Variants in ABL1 observed in about 807,000 individuals in gnomAD.
The protein encoded by ABL1 is tyrosine-protein kinase ABL1.
Under a neutral mutation model 94.7 loss-of-function variants are expected in ABL1, and 11 were observed. The observed-to-expected ratio is 0.12, with a 90% CI of 0.07 to 0.19. The LOEUF is 0.19. ABL1 is among the 10% of genes least tolerant of loss of function. The pLI is 1.00. For missense variants in ABL1, 1,082 were observed against 1,489.4 expected (o/e 0.73, Z 4.50); for synonymous variants, 656 against 622.4 (o/e 1.05, Z -0.80).
intron 1 of ABL1, among the ~76,000 whole-genome samples, chr9:130,828,321 TCCC>T (rs10556454): frequency 0.92 from 139,999 of 152,084 alleles, 64,636 homozygotes; most frequent in East Asian, 0.98. Flanking sequence ...TGCCTCAGCC[TCCC>T]CCCAAAGGGC....
At chr9:130,785,692 G>A (rs1829816920) in intron 1 of ABL1, among the ~76,000 whole-genome samples, 1 of 152,030 alleles carries the variant, frequency 6.6e-6, no homozygotes, top group African/African-American at 2.4e-5. Flanking sequence ...GGAGGCCAAG[G>A]CGGGCAGATC....
At chr9:130,766,480 G>A (rs1047547347) in intron 1 of ABL1, among the ~76,000 whole-genome samples, 2 of 152,188 alleles carry the variant, frequency 1.3e-5, no homozygotes, top group Non-Finnish European at 2.9e-5. Flanking sequence ...AAATGAGTGT[G>A]CCCCGTGGTT....
intron 1 of ABL1, among the ~76,000 whole-genome samples, chr9:130,778,607 T>A (rs950947095): frequency 6.6e-6 from 1 of 152,012 alleles, no homozygotes; most frequent in African/African-American, 2.4e-5. Flanking sequence ...GGCTTGATCC[T>A]CACCTGTGAA....
intron 1 of ABL1, among the ~76,000 whole-genome samples, chr9:130,743,263 G>T (rs558590190): frequency 3.3e-4 from 50 of 152,244 alleles, no homozygotes; most frequent in African/African-American, 1.2e-3. Flanking sequence ...AGTAGAGATG[G>T]GGTTTTGCCG....
rs1039620919 is a variant in ABL1 at position 130,851,770 on chromosome 9, T to C, written c.80-2294T>C. 5.5e-4 allele frequency among the ~76,000 whole-genome samples: 81 copies of C among 148,476 alleles called. 1 individual carries two copies. The highest frequency in any genetic ancestry group is 4.7e-3 in the East Asian group (24 of 5,146). ...TTAGAATTTTCCTCTCTTTTTCTTT[T>C]TTTTTTTTTTTTTTGAGATGGAGTC... On this transcript the variant is annotated intron_variant, in intron 1 of 10. Transcript: ENST00000318560.
Position 130,862,786 on chromosome 9 carries a change from C to T in ABL1, c.573C>T (p.Arg191=). 6.2e-7 allele frequency: 1 copy of T among 1,614,102 alleles called. No homozygotes were observed. The highest frequency in any genetic ancestry group is 1.1e-5 in the South Asian group (1 of 91,056). The change falls in exon 4 of 11, where the codon CGC becomes CGT. Residue 191 remains arginine, a synonymous_variant. Transcript: ENST00000318560. The surrounding 1 kb of genome is among the most constrained non-coding windows in gnomAD (Gnocchi z 5.5). ...DGKLYVSSES[R]FNTLAELVHH... ...AGCTCTACGTCTCCTCCGAGAGCCG[C>T]TTCAACACCCTGGCCGAGTTGGTTC...
chr9:130,736,220 G>C (rs2132704266), intron 1 of ABL1, among the ~76,000 whole-genome samples: 1 of 151,928 alleles, frequency 6.6e-6, no homozygotes. Context: ...AGAGTGTTGG[G>C]ATTATAGGCA....
chr9:130,763,469 A>T (rs905841207), intron 1 of ABL1, among the ~76,000 whole-genome samples: 1 of 152,182 alleles, frequency 6.6e-6, no homozygotes, highest in African/African-American at 2.4e-5. Context: ...TTAGATCAGG[A>T]ATTCAGAAGT....
At chr9:130,832,309 G>T, upstream of ABL1, among the ~76,000 whole-genome samples, 1 of 145,828 alleles carries the variant, frequency 6.9e-6, no homozygotes. Context: ...ACTTTTAGTA[G>T]AGATGGGGTT....
intron 1 of ABL1, among the ~76,000 whole-genome samples, chr9:130,727,508 A>T (rs1452953563): frequency 6.6e-6 from 1 of 152,140 alleles, no homozygotes; most frequent in East Asian, 1.9e-4. Context: ...CACGCCTGTA[A>T]TCCCAGCAAT....
chr9:130,763,444 T>C (rs1037586360), intron 1 of ABL1, among the ~76,000 whole-genome samples: 1 of 152,218 alleles, frequency 6.6e-6, no homozygotes, highest in African/African-American at 2.4e-5. Flanking sequence ...TCATGGTTCT[T>C]GCCCTTGAGG....
intron 1 of ABL1, among the ~76,000 whole-genome samples, chr9:130,715,324 T>G (rs548136608): frequency 6.6e-6 from 1 of 152,218 alleles, no homozygotes; most frequent in Non-Finnish European, 1.5e-5. Flanking sequence ...GTCCTTTATA[T>G]TAAAAAATCA....
intron 1 of ABL1, among the ~76,000 whole-genome samples, chr9:130,787,131 C>G (rs1323376993): frequency 1.3e-5 from 2 of 152,150 alleles, no homozygotes; most frequent in Non-Finnish European, 2.9e-5. Context: ...CACCTTTTCC[C>G]ATCCTTTTAC....
intron 1 of ABL1, among the ~76,000 whole-genome samples, chr9:130,825,319 AC>A (rs2132883938): frequency 6.6e-6 from 1 of 151,140 alleles, no homozygotes; most frequent in South Asian, 2.1e-4. Flanking sequence ...TTCTTCCCCC[AC>A]CCCCAAATGT....
intron 1 of ABL1, among the ~76,000 whole-genome samples, chr9:130,773,127 C>T (rs956545992): frequency 6.6e-6 from 1 of 152,088 alleles, no homozygotes; most frequent in African/African-American, 2.4e-5. Context: ...TCAAGACCAG[C>T]CTGACCAGCA....
intron 1 of ABL1, among the ~76,000 whole-genome samples, chr9:130,735,934 C>CATATATATAT (rs71389344): frequency 2.1e-4 from 17 of 80,216 alleles, no homozygotes; most frequent in East Asian, 7.3e-4. Flanking sequence ...CATGTGTGTG[C>CATATATATAT]ATATATATAT....
At chr9:130,874,089 T>G (rs1281409879) in intron 6 of ABL1, among the ~76,000 whole-genome samples, 3 of 152,234 alleles carry the variant, frequency 2.0e-5, no homozygotes, top group Non-Finnish European at 4.4e-5. Flanking sequence ...ACAACTCTTC[T>G]GTATTTAATT....
chr9:130,714,143 TA>T, exon 1 of ABL1: 9 of 522,050 alleles, frequency 1.7e-5, no homozygotes, highest in Admixed American at 4.1e-5. Flanking sequence ...AGTGTCAACC[TA>T]AAAAAAGTGC....
intron 1 of ABL1, among the ~76,000 whole-genome samples, chr9:130,818,066 C>A (rs533601060): frequency 7.3e-4 from 111 of 152,208 alleles, no homozygotes; most frequent in Non-Finnish European, 1.3e-3. Context: ...ACCAGCAGTT[C>A]ACACCATATG....
Sources: gnomAD v4.1 joint callset for allele counts (sites outside exome capture counted in the v4.1 genomes callset) on GRCh38, gnomAD v4.1.1 for gene constraint, Gnocchi (gnomAD v3.1) non-coding constraint, MANE v1.5 for transcripts, NCBI Gene and HGNC (gene_info 2026-07-23, HGNC 2026-07-21) for gene names.